Variants in HIVEP3 observed in about 807,000 individuals in gnomAD.
HIVEP3 encodes HIVEP zinc finger 3.
Under a neutral mutation model 152.8 loss-of-function variants are expected in HIVEP3, and 49 were observed. The observed-to-expected ratio is 0.32, with a 90% CI of 0.26 to 0.41. The LOEUF is 0.41. Among genes scored for constraint, HIVEP3 ranks in the 10% least tolerant of loss-of-function variants. HIVEP3 has a pLI of 1.00. For synonymous variants in HIVEP3, 1,269 were observed against 1,289.0 expected (o/e 0.98, Z 0.33); for missense variants, 2,790 against 3,103.3 (o/e 0.90, Z 2.40).
At position 41,513,264 on chromosome 1, in the gene HIVEP3, G is replaced by A. The variant is rs138998440; in HGVS notation, c.5957C>T (p.Ser1986Leu). The A allele has an allele frequency of 4.3e-5, 70 of 1,613,466 alleles. No individual in the cohort carries two copies. The highest frequency in any genetic ancestry group is 1.7e-4 in the Middle Eastern group (1 of 6,060). The change falls in exon 8 of 9, where the codon TCG (serine) becomes TTG (leucine). Residue 1986 changes from serine to leucine, a missense_variant. By Grantham distance (145) the Ser-to-Leu change is moderately radical. Transcript: ENST00000372583. ...GGGAGATGAGTCGTTTTTGGTTAGCGAGTGTTTGCGGGCTAGTGGTGGACG... is the reference window on the plus strand; with the variant it reads ...GGGAGATGAGTCGTTTTTGGTTAGCAAGTGTTTGCGGGCTAGTGGTGGACG... ...GSRPPLARKHSLTKNDSSPQR... is the reference protein window; with the variant it reads ...GSRPPLARKHLLTKNDSSPQR...
chr1:41,579,751 G>C lies in HIVEP3; in HGVS notation c.5047C>G (p.Pro1683Ala). ...GRLVPSSSRK[P>A]RMTEVHLPSL... is the part of the protein sequence containing the mutation. ...GCTGAACTTACCTCTGTCATGCGGGGCTTGCGGGAGCTGGATGGCACAAGC... is the reference window on the plus strand; with the variant it reads ...GCTGAACTTACCTCTGTCATGCGGGCCTTGCGGGAGCTGGATGGCACAAGC... The change falls in exon 4 of 9, where the codon CCC (proline) becomes GCC (alanine). Residue 1683 changes from proline (P) to alanine (A), a missense_variant. Around this residue, in one of 9 missense-constraint regions of HIVEP3, gnomAD observed 1,078 missense variants for 1,165.3 expected, o/e 0.93. Transcript: ENST00000372583. The C allele has an allele frequency of 6.3e-7, 1 of 1,583,092 alleles. No homozygotes were observed. Among genetic ancestry groups the C allele is most frequent in the Non-Finnish European group, 8.6e-7 (1 of 1,159,980 alleles).
chr1:41,526,489 T>A (rs1458676836), intron 5 of HIVEP3, among the ~76,000 whole-genome samples: 1 of 41,210 alleles, frequency 2.4e-5, no homozygotes, highest in African/African-American at 9.8e-5. Flanking sequence ...CACACTCACC[T>A]TCACACTCCA....
chr1:42,033,713 T>C (rs574135317), intron 1 of HIVEP3, among the ~76,000 whole-genome samples: 87 of 152,326 alleles, frequency 5.7e-4, no homozygotes, highest in African/African-American at 2.1e-3. Context: ...CCTAACTCAA[T>C]GTTGGTTATT....
At chr1:41,929,463 C>T (rs1203088172) in intron 1 of HIVEP3, among the ~76,000 whole-genome samples, 1 of 151,892 alleles carries the variant, frequency 6.6e-6, no homozygotes, top group Non-Finnish European at 1.5e-5. Flanking sequence ...CCAGGCTCAT[C>T]TTGTAGTTTG....
chr1:41,849,244 A>C lies in HIVEP3; in HGVS notation c.-801+69169T>G, dbSNP rs967552980. Among the ~76,000 whole-genome samples the C allele has an allele frequency of 6.6e-5, 10 of 152,218 alleles. No individual in the cohort carries two copies. The South Asian group carries it at 2.1e-3, about 32-fold the overall frequency. On this transcript the variant is annotated intron_variant, in intron 1 of 8. Coordinates refer to ENST00000372583, the MANE Select transcript of HIVEP3 (RefSeq NM_024503.5). ...GTGCAGCAGGGTCACCAGATTGCTTATTCTATGGCACCTGAGACCTTTCAT... is the reference window on the plus strand; with the variant it reads ...GTGCAGCAGGGTCACCAGATTGCTTCTTCTATGGCACCTGAGACCTTTCAT...
intron 1 of HIVEP3, among the ~76,000 whole-genome samples, chr1:41,776,534 G>C (rs949267173): frequency 2.0e-5 from 3 of 152,226 alleles, no homozygotes; most frequent in African/African-American, 7.2e-5. Context: ...GTGGCCCTTT[G>C]TCCTTATGCA....
chr1:41,513,824 G>C, intron 7 of HIVEP3, 74 bp from the exon 8 acceptor site: 1 of 1,274,750 alleles, frequency 7.8e-7, no homozygotes, highest in Non-Finnish European at 1.0e-6. Flanking sequence ...GCTCCTCTCT[G>C]AGCCCCAGTT....
intron 1 of HIVEP3, among the ~76,000 whole-genome samples, chr1:41,947,938 G>T (rs900720046): frequency 1.4e-4 from 21 of 152,260 alleles, no homozygotes; most frequent in Non-Finnish European, 2.6e-4. Flanking sequence ...TCAGACAACT[G>T]TTTGCTTAAA....
At position 41,686,796 on chromosome 1, in the gene HIVEP3, T is replaced by C. The variant is rs552166013; in HGVS notation, c.-721+14120A>G. Among the ~76,000 whole-genome samples, 15 of 152,250 alleles carry C rather than the reference T, an allele frequency of 9.9e-5. 1 individual carries two copies. In the South Asian group the frequency reaches 3.1e-3, roughly 32 times the overall value. On this transcript the variant is annotated intron_variant, in intron 2 of 8. Transcript: ENST00000372583. ...TCTCATCTGTGAAAAGGGAGAATAA[T>C]AAAATCCACCCTGCAGAGTTATCAG...
intron 1 of HIVEP3, among the ~76,000 whole-genome samples, chr1:41,925,439 G>T (rs1265204057): frequency 6.6e-6 from 1 of 152,140 alleles, no homozygotes; most frequent in African/African-American, 2.4e-5. Flanking sequence ...AATCATAAGA[G>T]AAAACATATT....
intron 1 of HIVEP3, among the ~76,000 whole-genome samples, chr1:41,838,404 A>T (rs755937447): frequency 6.6e-5 from 10 of 151,896 alleles, no homozygotes; most frequent in Admixed American, 3.9e-4. Flanking sequence ...TAACTGTGTC[A>T]TTTCTTCACT....
intron 1 of HIVEP3, among the ~76,000 whole-genome samples, chr1:41,943,432 C>A (rs1360411545): frequency 2.0e-5 from 3 of 152,120 alleles, no homozygotes; most frequent in Non-Finnish European, 2.9e-5. Flanking sequence ...CTATAAAAAT[C>A]AAAACAATCT....
chr1:41,796,681 C>A (rs1650001712), intron 1 of HIVEP3, among the ~76,000 whole-genome samples: 1 of 152,174 alleles, frequency 6.6e-6, no homozygotes, highest in Non-Finnish European at 1.5e-5. Flanking sequence ...TTATTTTATT[C>A]TTGGTACTTC....
At chr1:41,714,298 GAGA>G (rs1288391207) in intron 1 of HIVEP3, among the ~76,000 whole-genome samples, 3 of 152,164 alleles carry the variant, frequency 2.0e-5, no homozygotes, top group Non-Finnish European at 4.4e-5. Flanking sequence ...GAGAAAAGAG[GAGA>G]AGAAGTGGAG....
chr1:41,817,986 G>A (rs1311040481), intron 1 of HIVEP3, among the ~76,000 whole-genome samples: 1 of 152,124 alleles, frequency 6.6e-6, no homozygotes, highest in East Asian at 1.9e-4. Context: ...GAGTGACTAG[G>A]GGCCAGCTCT....
In HIVEP3 at chr1:41,581,344, C is replaced by G; in HGVS notation, c.3454G>C (p.Val1152Leu). The G allele has an allele frequency of 1.2e-6, 2 of 1,613,596 alleles. No individual in the cohort carries two copies. The highest frequency in any genetic ancestry group is 1.7e-6 in the Non-Finnish European group (2 of 1,179,842). Residue 1152 changes from valine to leucine, a missense_variant, in exon 4 of 9, where the codon GTG (valine) becomes CTG (leucine). By Grantham distance (32) the Val-to-Leu change is conservative. This residue lies in a region of HIVEP3 where 1,078 missense variants were observed against 1,165.3 expected (regional missense o/e 0.93). Coordinates refer to ENST00000372583, the MANE Select transcript of HIVEP3 (RefSeq NM_024503.5). The surrounding 1 kb of genome is among the most constrained non-coding windows in gnomAD (Gnocchi z 4.5). ...GGAGACTGTCCTGGCTCATGCTGCACGAGATGCTGGAAGGAGAAAAGGGAG... is the reference window on the plus strand; with the variant it reads ...GGAGACTGTCCTGGCTCATGCTGCAGGAGATGCTGGAAGGAGAAAAGGGAG... ...PVSLFSFQHL[V>L]QHEPGQSPEF...
chr1:41,742,436 G>A (rs1647011214), intron 1 of HIVEP3, among the ~76,000 whole-genome samples: 1 of 152,338 alleles, frequency 6.6e-6, no homozygotes, highest in Middle Eastern at 3.4e-3. Flanking sequence ...TCCATTGGTC[G>A]GATGTGGAGA....
chr1:41,742,751 G>A (rs1647015134), intron 1 of HIVEP3, among the ~76,000 whole-genome samples: 1 of 152,158 alleles, frequency 6.6e-6, no homozygotes, highest in Non-Finnish European at 1.5e-5. Context: ...TCCCACTTTA[G>A]CTTCTCTCCC....
At chr1:41,646,760 C>T (rs934673317) in intron 2 of HIVEP3, among the ~76,000 whole-genome samples, 1 of 152,206 alleles carries the variant, frequency 6.6e-6, no homozygotes, top group Non-Finnish European at 1.5e-5. Flanking sequence ...TGTAAGGCTT[C>T]TGTAACAAAT....
Sources: gnomAD v4.1 joint callset for allele counts (sites outside exome capture counted in the v4.1 genomes callset) on GRCh38, gnomAD v4.1.1 for gene constraint, gnomAD v4.1.1 regional missense constraint, Gnocchi (gnomAD v3.1) non-coding constraint, MANE v1.5 for transcripts, NCBI Gene and HGNC (gene_info 2026-07-23, HGNC 2026-07-21) for gene names.